TRIM58: variants seen among roughly 807,000 people sequenced by gnomAD.
The protein encoded by TRIM58 is E3 ubiquitin-protein ligase TRIM58.
A neutral mutation model predicts 34.1 loss-of-function variants in TRIM58; 38 were observed. The ratio of observed to expected loss-of-function variants is 1.12; its 90% CI spans 0.86 to 1.46. The LOEUF (loss-of-function observed/expected upper bound fraction) is 1.46, where lower values mean the gene tolerates loss of function less well. TRIM58 is among the 40% of genes most tolerant of loss of function. The pLI is 0.00. For missense variants in TRIM58, 677 were observed against 642.0 expected, an observed-to-expected ratio of 1.05 and a Z score of -0.59; for synonymous variants, 273 against 275.7, an observed-to-expected ratio of 0.99 and a Z score of 0.10.
rs200649066 is a variant in TRIM58, at chr1:247,876,205, A to G, written c.1177A>G (p.Met393Val). Residue 393 changes from methionine (M) to valine (V), a missense_variant, in exon 6 of 6, where the codon ATG becomes GTG. By Grantham distance (21) the Met-to-Val change is conservative. Transcript: ENST00000366481. The stretch of plus-strand genomic sequence containing the variant: ...GTGGCTGCTGAAAGGGAATGAGTAC[A>G]TGGTCCTTGCCTCCCCATCAGTGCC... The part of the protein sequence containing the change: ...ALWLLKGNEY[M>V]VLASPSVPLL... 4 of 1,614,184 alleles carry G rather than the reference A, an allele frequency of 2.5e-6. No individual in the cohort carries two copies. Among genetic ancestry groups the G allele is most frequent in the African/African-American group, 2.7e-5 (2 of 75,038 alleles).
intron 1 of TRIM58, among the ~76,000 whole-genome samples, chr1:247,858,203 G>A (rs371114396): frequency 6.6e-6 from 1 of 152,174 alleles, no homozygotes; most frequent in South Asian, 2.1e-4. Context: ...CGTGCCTCCT[G>A]AAGTAGGAGC....
Position 247,857,254 on chromosome 1 carries a change from G to C in TRIM58, c.8G>C (p.Trp3Ser), listed in dbSNP as rs11204523. Residue 3 changes from tryptophan to serine, a missense_variant, in exon 1 of 6, where the codon TGG becomes TCG. Coordinates refer to ENST00000366481, the MANE Select transcript of TRIM58 (RefSeq NM_015431.4). MA[W>S]APPGERLRED... Reference sequence around the variant, plus strand: ...CCCTCCGGGAGGCGGGTCATGGCCTGGGCGCCGCCCGGGGAGCGGCTGCGC... The same window carrying C: ...CCCTCCGGGAGGCGGGTCATGGCCTCGGCGCCGCCCGGGGAGCGGCTGCGC... The C allele has an allele frequency of 0.74, 976,349 of 1,322,986 alleles. 363,990 individuals carry two copies. Among genetic ancestry groups the C allele is most frequent in the Middle Eastern group, 0.76 (3,007 of 3,970 alleles). 82.0% of individuals were successfully genotyped at this position (1,322,986 alleles called of 1,614,324 possible). A position where few individuals can be genotyped will look rare whatever the true frequency, so the allele number is the denominator to read the frequency against.
chr1:247,866,374 G>A (rs1302961725), intron 3 of TRIM58, among the ~76,000 whole-genome samples: 1 of 151,970 alleles, frequency 6.6e-6, no homozygotes, highest in Non-Finnish European at 1.5e-5. Context: ...CTAGAGATGG[G>A]GTTTTGCCAT....
Position 247,868,001 on chromosome 1 carries a change from C to A in TRIM58, c.809C>A (p.Pro270His). ...AVTRLEAENI[P>H]MELKTACCIP... ...ACAAGGCTGGAAGCAGAGAACATCCCCATGGAACTGAAGACAGCATGCTGC... is the reference window on the plus strand; with the variant it reads ...ACAAGGCTGGAAGCAGAGAACATCCACATGGAACTGAAGACAGCATGCTGC... Residue 270 changes from proline (P) to histidine (H), a missense_variant, in exon 5 of 6, where the codon CCC becomes CAC. Transcript: ENST00000366481. 1 of 1,612,688 alleles carries A rather than the reference C, an allele frequency of 6.2e-7. No individual in the cohort carries two copies. The highest frequency in any genetic ancestry group is 8.5e-7 in the Non-Finnish European group (1 of 1,179,658).
Position 247,857,588 on chromosome 1 carries a change from G to T in TRIM58, c.342G>T (p.Leu114=). ...SRFCEEDEAA[L]CWVCDAGPEH... The stretch of plus-strand genomic sequence containing the variant: ...TCTGCGAGGAGGACGAGGCGGCGCT[G>T]TGCTGGGTGTGCGACGCCGGCCCCG... The change falls in exon 1 of 6, where the codon CTG becomes CTT. Residue 114 remains leucine (L), a synonymous_variant. Transcript: ENST00000366481. 7.9e-7 allele frequency: 1 copy of T among 1,264,602 alleles called. No homozygotes were observed. Among genetic ancestry groups the T allele is most frequent in the South Asian group, 3.0e-5 (1 of 33,146 alleles). The allele number at this position is 1,264,602 out of a possible 1,614,324, so 78.3% of individuals were successfully genotyped here.
chr1:247,866,317 C>T (rs931466685), intron 3 of TRIM58, among the ~76,000 whole-genome samples: 2 of 151,774 alleles, frequency 1.3e-5, no homozygotes, highest in Admixed American at 6.6e-5. Context: ...GCTGGGATTA[C>T]AGGCATGTGC....
In TRIM58 at chr1:247,863,217, A is replaced by C. The variant is rs181905992; in HGVS notation, c.517-1488A>C. On this transcript the variant is annotated intron_variant, in intron 2 of 5. Transcript: ENST00000366481. ...AAAAAGGTGATAGCTCATGCCTTTT[A>C]GTCAAAGCAAGAAGTTATCACGTTT... 4.2e-3 allele frequency among the ~76,000 whole-genome samples: 635 copies of C among 152,348 alleles called. 4 individuals carry two copies. Among genetic ancestry groups the C allele is most frequent in the Non-Finnish European group, 5.4e-3 (370 of 68,030 alleles).
intron 1 of TRIM58, among the ~76,000 whole-genome samples, chr1:247,858,920 C>T (rs1321207486): frequency 1.3e-5 from 2 of 151,878 alleles, no homozygotes; most frequent in African/African-American, 2.4e-5. Context: ...GTATGCGTCA[C>T]CACACCCGGC....
At chr1:247,858,244 A>G (rs1476831333) in intron 1 of TRIM58, among the ~76,000 whole-genome samples, 5 of 152,086 alleles carry the variant, frequency 3.3e-5, no homozygotes, top group African/African-American at 4.8e-5. Context: ...GGATTTGGGG[A>G]CTTAGGATTC....
Position 247,877,656 on chromosome 1 carries a change from C to A in TRIM58, c.*1167C>A, listed in dbSNP as rs373838280. 1 of 152,120 alleles carries A rather than the reference C, an allele frequency of 6.6e-6. No individual in the cohort carries two copies. The highest frequency in any genetic ancestry group is 1.5e-5 in the Non-Finnish European group (1 of 68,028). The allele number at this position is 152,120 out of a possible 1,614,324, so 9.4% of individuals were successfully genotyped here. ...GGTTCCTATACATGGAACAATTATA[C>A]TGGCCTCACTGTGTTATGGTAAATA... On this transcript the variant is annotated 3_prime_UTR_variant, in exon 6 of 6. Coordinates refer to ENST00000366481, the MANE Select transcript of TRIM58 (RefSeq NM_015431.4).
At chr1:247,868,628 T>G (rs1181629253) in intron 5 of TRIM58, among the ~76,000 whole-genome samples, 1 of 152,210 alleles carries the variant, frequency 6.6e-6, no homozygotes, top group Non-Finnish European at 1.5e-5. Flanking sequence ...CAAGCACAGG[T>G]TGTGGTCTGT....
In TRIM58 at chr1:247,857,420, G is replaced by A; in HGVS notation, c.174G>A (p.Pro58=). ...DGAQGGVYAC[P]QCRGPFRPSG... ...CGCAGGGCGGCGTCTACGCCTGTCC[G>A]CAGTGCCGGGGCCCCTTCCGGCCCT... Residue 58 remains proline (P), a synonymous_variant, in exon 1 of 6, where the codon CCG becomes CCA. Coordinates refer to ENST00000366481, the MANE Select transcript of TRIM58 (RefSeq NM_015431.4). 3.3e-6 allele frequency: 5 copies of A among 1,493,502 alleles called. No individual in the cohort carries two copies. The highest frequency in any genetic ancestry group is 1.3e-5 in the South Asian group (1 of 74,974). The allele number at this position is 1,493,502 out of a possible 1,614,324, so 92.5% of individuals were successfully genotyped here. A position where few individuals can be genotyped will look rare whatever the true frequency, so the allele number is the denominator to read the frequency against.
At chr1:247,857,722 C>T (rs1253613566) in intron 1 of TRIM58, 56 bp downstream of exon 1, 79 of 1,205,722 alleles carry the variant, frequency 6.6e-5, no homozygotes, top group Non-Finnish European at 7.4e-5. Flanking sequence ...AAGCGGGCGA[C>T]AGTCCGGAGC....
intron 3 of TRIM58, among the ~76,000 whole-genome samples, chr1:247,866,848 C>T (rs1334788999): frequency 6.6e-6 from 1 of 152,160 alleles, no homozygotes; most frequent in Admixed American, 6.5e-5. Flanking sequence ...CTTTCCCTTT[C>T]TTCCCTGGTA....
chr1:247,862,333 TTAAAC>T (rs1344380604), intron 2 of TRIM58, among the ~76,000 whole-genome samples: 4 of 152,158 alleles, frequency 2.6e-5, no homozygotes, highest in Non-Finnish European at 5.9e-5. Context: ...ACAAATATCT[TTAAAC>T]TAGTAGTGAC....
rs761661261 is a variant in TRIM58 at position 247,876,296 on chromosome 1, C to G, written c.1268C>G (p.Ser423Ter). The stretch of plus-strand genomic sequence containing the variant: ...TTGGACTATGAAGCCGGTGAAATTT[C>G]ATTCTACAATGTCACAGATGGATCT... Reference protein sequence around the residue: ...IFLDYEAGEISFYNVTDGSYI... With the variant: ...IFLDYEAGEI Residue 423 changes from serine (S) to a stop codon, truncating the protein, a stop_gained, in exon 6 of 6, where the codon TCA becomes TGA. Coordinates refer to ENST00000366481, the MANE Select transcript of TRIM58 (RefSeq NM_015431.4). LOFTEE classifies it low-confidence loss of function (END_TRUNC). 25 of 1,614,086 alleles carry G rather than the reference C, an allele frequency of 1.5e-5. No homozygotes were observed. Among genetic ancestry groups the G allele is most frequent in the Middle Eastern group, 1.6e-4 (1 of 6,084 alleles).
intron 3 of TRIM58, among the ~76,000 whole-genome samples, chr1:247,865,216 G>A (rs546508132): frequency 5.9e-5 from 9 of 152,062 alleles, no homozygotes; most frequent in Non-Finnish European, 1.0e-4. Context: ...GATCGCTTGG[G>A]CCAAGGAAAT....
intron 5 of TRIM58, among the ~76,000 whole-genome samples, chr1:247,869,312 T>TGG (rs200066437): frequency 2.0e-4 from 30 of 150,816 alleles, no homozygotes; most frequent in East Asian, 1.6e-3. Context: ...TCTTCAGAGG[T>TGG]GGGGGGGGGT....
chr1:247,857,263 C>T lies in TRIM58; in HGVS notation c.17C>T (p.Pro6Leu). The change falls in exon 1 of 6, where the codon CCC (proline) becomes CTC (leucine). Residue 6 changes from proline (P) to leucine (L), a missense_variant. Coordinates refer to ENST00000366481, the MANE Select transcript of TRIM58 (RefSeq NM_015431.4). MAWAP[P>L]GERLREDARC... ...AGGCGGGTCATGGCCTGGGCGCCGCCCGGGGAGCGGCTGCGCGAGGATGCG... is the reference window on the plus strand; with the variant it reads ...AGGCGGGTCATGGCCTGGGCGCCGCTCGGGGAGCGGCTGCGCGAGGATGCG... 2.3e-6 allele frequency: 3 copies of T among 1,331,072 alleles called. No homozygotes were observed. The highest frequency in any genetic ancestry group is 3.1e-5 in the East Asian group (1 of 32,646). The allele number at this position is 1,331,072 out of a possible 1,614,324, so 82.5% of individuals were successfully genotyped here.
Sources: gnomAD v4.1 joint callset for allele counts (sites outside exome capture counted in the v4.1 genomes callset) on GRCh38, gnomAD v4.1.1 for gene constraint, MANE v1.5 for transcripts, NCBI Gene and HGNC (gene_info 2026-07-23, HGNC 2026-07-21) for gene names.